The following SYT9 variants were observed in gnomAD, a reference collection of about 807,000 sequenced individuals.
SYT9 encodes synaptotagmin-9.
Under a neutral mutation model 48.4 loss-of-function variants are expected in SYT9, and 22 were observed. The ratio of observed to expected loss-of-function variants is 0.45; its 90% CI spans 0.32 to 0.65. The LOEUF (loss-of-function observed/expected upper bound fraction) is 0.65, where lower values mean the gene tolerates loss of function less well. Among genes scored for constraint, SYT9 ranks in the 30% least tolerant of loss-of-function variants. The pLI, the probability that SYT9 is intolerant of heterozygous loss-of-function variation, is 0.03. For missense variants in SYT9, 577 were observed against 622.0 expected, an observed-to-expected ratio of 0.93 and a Z score of 0.77; for synonymous variants, 265 against 245.0, an observed-to-expected ratio of 1.08 and a Z score of -0.76.
At position 7,313,606 on chromosome 11, in the gene SYT9, C is replaced by T. The variant is rs1849182940; in HGVS notation, c.709C>T (p.Leu237Phe). The change falls in exon 3 of 7, where the codon CTC becomes TTC. Residue 237 changes from leucine (L) to phenylalanine (F), a missense_variant. Physicochemically the swap from Leu to Phe is conservative, Grantham distance 22. Transcript: ENST00000318881. ...ILKYDCDLEQ[L>F]IVKIHKAVNL... ...AAAATATGACTGTGACTTAGAGCAG[C>T]TCATAGTGAAGATTCACAAAGCTGT... 1 of 1,614,024 alleles carries T rather than the reference C, an allele frequency of 6.2e-7. No homozygotes were observed. The highest frequency in any genetic ancestry group is 1.3e-5 in the African/African-American group (1 of 74,906).
chr11:7,346,703 T>A (rs1849806745), intron 3 of SYT9, among the ~76,000 whole-genome samples: 1 of 152,236 alleles, frequency 6.6e-6, no homozygotes, highest in Non-Finnish European at 1.5e-5. Context: ...AATGTTTTAC[T>A]TTTCAAAAAT....
intron 6 of SYT9, among the ~76,000 whole-genome samples, chr11:7,455,334 A>ATTTT (rs34629945): frequency 0.035 from 4,742 of 136,424 alleles, 316 homozygotes; most frequent in African/African-American, 0.12. Flanking sequence ...TGTTTAAGCT[A>ATTTT]TTTTTTTTTT....
At chr11:7,410,698 G>C (rs2134088906) in intron 3 of SYT9, among the ~76,000 whole-genome samples, 1 of 151,818 alleles carries the variant, frequency 6.6e-6, no homozygotes, top group African/African-American at 2.4e-5. Context: ...CTGTTTGAGT[G>C]GAATTTTTTT....
intron 3 of SYT9, among the ~76,000 whole-genome samples, chr11:7,361,466 A>G (rs1564876351): frequency 6.6e-6 from 1 of 152,176 alleles, no homozygotes; most frequent in Non-Finnish European, 1.5e-5. Context: ...AACTTTTATA[A>G]CTATTCCATG....
At chr11:7,293,600 CATT>C (rs1848732424) in intron 1 of SYT9, among the ~76,000 whole-genome samples, 1 of 152,176 alleles carries the variant, frequency 6.6e-6, no homozygotes, top group Admixed American at 6.5e-5. Flanking sequence ...TAGATACAGA[CATT>C]GTTGTGTACT....
chr11:7,242,030 T>A (rs895576204), intron 1 of SYT9, among the ~76,000 whole-genome samples: 1 of 152,184 alleles, frequency 6.6e-6, no homozygotes. Context: ...CAATAACTAT[T>A]TCAAATGCTT....
intron 3 of SYT9, among the ~76,000 whole-genome samples, chr11:7,350,545 C>T (rs772697623): frequency 3.9e-5 from 6 of 152,244 alleles, no homozygotes; most frequent in African/African-American, 7.2e-5. Flanking sequence ...TCCTATGTCT[C>T]AGCCTACTTC....
At chr11:7,445,135 C>T (rs1039200309) in intron 6 of SYT9, among the ~76,000 whole-genome samples, 1 of 152,220 alleles carries the variant, frequency 6.6e-6, no homozygotes, top group South Asian at 2.1e-4. Flanking sequence ...ATAGATCCTA[C>T]CTCACAGAGC....
intron 3 of SYT9, among the ~76,000 whole-genome samples, chr11:7,356,181 TGATC>T (rs1428075157): frequency 2.0e-5 from 3 of 152,180 alleles, no homozygotes; most frequent in Non-Finnish European, 4.4e-5. Context: ...AAAACGGTGA[TGATC>T]CCATCAAAGG....
intron 1 of SYT9, among the ~76,000 whole-genome samples, chr11:7,290,251 A>C (rs948244636): frequency 1.3e-5 from 2 of 152,204 alleles, no homozygotes; most frequent in African/African-American, 4.8e-5. Context: ...GACTCTTTTA[A>C]AGTTAATATT....
At chr11:7,267,518 A>T (rs1484306226) in intron 1 of SYT9, among the ~76,000 whole-genome samples, 2 of 151,824 alleles carry the variant, frequency 1.3e-5, no homozygotes, top group Non-Finnish European at 2.9e-5. Flanking sequence ...CTCTTGAGTT[A>T]AAAAAAATCA....
chr11:7,251,132 A>ACACACACACACACACACC (rs146134507), upstream of SYT9, among the ~76,000 whole-genome samples: 4 of 127,852 alleles, frequency 3.1e-5, no homozygotes, highest in African/African-American at 7.7e-5. Flanking sequence ...ACACACACAC[A>ACACACACACACACACACC]CCCAGAGTAC....
rs535207158 is a variant in SYT9 at position 7,421,976 on chromosome 11, G to A, written c.1467+1341G>A. ...AATAAGTAAAGAGAACTGAGCCCCC[G>A]GGAACTGGAAAGCCAGGAGGGCAGC... On this transcript the variant is annotated intron_variant, in intron 6 of 6. Transcript: ENST00000318881. Among the ~76,000 whole-genome samples the A allele has an allele frequency of 3.3e-4, 50 of 152,262 alleles. 1 individual carries two copies. The highest frequency in any genetic ancestry group is 1.2e-3 in the African/African-American group (48 of 41,566).
At chr11:7,355,950 C>T (rs1421502960) in intron 3 of SYT9, among the ~76,000 whole-genome samples, 1 of 152,182 alleles carries the variant, frequency 6.6e-6, no homozygotes, top group Non-Finnish European at 1.5e-5. Context: ...TGGCCCAGGG[C>T]CTTGCACAAA....
intron 1 of SYT9, among the ~76,000 whole-genome samples, chr11:7,264,556 C>T (rs1215344330): frequency 1.3e-5 from 2 of 151,862 alleles, no homozygotes. Flanking sequence ...ATAGTGAAGA[C>T]GTGGTAGGAT....
intron 3 of SYT9, among the ~76,000 whole-genome samples, chr11:7,387,276 T>C (rs559155592): frequency 7.9e-5 from 12 of 152,138 alleles, no homozygotes; most frequent in East Asian, 7.7e-4. Context: ...ACCTGCCCAT[T>C]GTGCACATGT....
chr11:7,336,315 C>T (rs1199625939), intron 3 of SYT9, among the ~76,000 whole-genome samples: 1 of 152,008 alleles, frequency 6.6e-6, no homozygotes, highest in African/African-American at 2.4e-5. Context: ...TTGATAGTTT[C>T]TTTTGTTGTG....
intron 1 of SYT9, among the ~76,000 whole-genome samples, chr11:7,285,931 G>A (rs1356180998): frequency 1.3e-5 from 2 of 152,234 alleles, no homozygotes; most frequent in Non-Finnish European, 2.9e-5. Context: ...ACAGCCTTGG[G>A]AGCTCCACCC....
intron 3 of SYT9, among the ~76,000 whole-genome samples, chr11:7,398,922 G>A (rs1277751355): frequency 6.7e-6 from 1 of 149,322 alleles, no homozygotes; most frequent in Admixed American, 6.8e-5. Context: ...TTTCCACAAA[G>A]GACAATACAG....
Sources: allele counts gnomAD v4.1 joint callset (sites outside exome capture counted in the v4.1 genomes callset), GRCh38; gene constraint gnomAD v4.1.1; transcripts MANE v1.5; gene names NCBI Gene and HGNC (gene_info 2026-07-23, HGNC 2026-07-21).